Variants in PPHLN1 observed in about 807,000 individuals in gnomAD.
The protein encoded by PPHLN1 is periphilin 1, also known as periphilin-1.
A neutral mutation model predicts 51.3 loss-of-function variants in PPHLN1; 29 were observed. The ratio of observed to expected loss-of-function variants is 0.57; its 90% CI spans 0.42 to 0.77. The LOEUF is 0.77. Ranked by LOEUF, PPHLN1 falls within the 30% of genes least tolerant of loss-of-function variation. The probability of loss-of-function intolerance (pLI) is 0.00; values close to 1 mark genes in which losing one functional copy is unlikely to be tolerated. For missense variants in PPHLN1, 436 were observed against 438.4 expected (o/e 0.99, Z 0.05); for synonymous variants, 147 against 147.8 (o/e 0.99, Z 0.04).
At chr12:42,361,173 TA>T (rs1475808267) in intron 4 of PPHLN1, 1 of 152,350 alleles carries the variant, frequency 6.6e-6, no homozygotes, top group Non-Finnish European at 1.5e-5. Context: ...ATTGGTGCCT[TA>T]TTAAGAAGAG....
intron 5 of PPHLN1, among the ~76,000 whole-genome samples, chr12:42,382,743 C>CT (rs2076860589): frequency 6.6e-6 from 1 of 152,010 alleles, no homozygotes; most frequent in Admixed American, 6.6e-5. Flanking sequence ...GAAGGGGTAG[C>CT]TATGAAGATG....
chr12:42,335,614 C>G (rs1005551914), intron 1 of PPHLN1, among the ~76,000 whole-genome samples: 1 of 151,154 alleles, frequency 6.6e-6, no homozygotes, highest in Non-Finnish European at 1.5e-5. Context: ...CCAATTTCCT[C>G]CCATAATTGA....
chr12:42,399,502 TGAGG>T, intron 9 of PPHLN1: 2 of 826,434 alleles, frequency 2.4e-6, no homozygotes, highest in Non-Finnish European at 2.9e-6. Flanking sequence ...TTTCATTTTA[TGAGG>T]ATTAAATGAA....
chr12:42,381,344 CCT>C (rs1034402977), intron 5 of PPHLN1, among the ~76,000 whole-genome samples: 1 of 152,046 alleles, frequency 6.6e-6, no homozygotes, highest in Non-Finnish European at 1.5e-5. Context: ...TTATTATATC[CCT>C]GTTTTAGGAC....
At chr12:42,357,811 G>C (rs1592361459) in intron 4 of PPHLN1, among the ~76,000 whole-genome samples, 1 of 152,034 alleles carries the variant, frequency 6.6e-6, no homozygotes, top group East Asian at 1.9e-4. Context: ...GTGAAGTCTG[G>C]GTTTTTAGTG....
At chr12:42,333,121 G>A (rs1309426391) in intron 1 of PPHLN1, among the ~76,000 whole-genome samples, 1 of 152,098 alleles carries the variant, frequency 6.6e-6, no homozygotes, top group African/African-American at 2.4e-5. Flanking sequence ...TCTTTTTACT[G>A]TGCTTTTCTT....
chr12:42,376,026 T>G (rs1342226716), intron 5 of PPHLN1, among the ~76,000 whole-genome samples: 2 of 152,228 alleles, frequency 1.3e-5, no homozygotes, highest in African/African-American at 2.4e-5. Context: ...ATAATTGATA[T>G]GTCATAAATG....
chr12:42,381,974 C>T (rs971859491), intron 5 of PPHLN1, among the ~76,000 whole-genome samples: 1 of 152,170 alleles, frequency 6.6e-6, no homozygotes, highest in Non-Finnish European at 1.5e-5. Context: ...TAGCCCCTAA[C>T]TTTATCATCT....
chr12:42,434,491 G>C (rs949464883), intron 9 of PPHLN1, among the ~76,000 whole-genome samples: 1 of 152,206 alleles, frequency 6.6e-6, no homozygotes, highest in African/African-American at 2.4e-5. Context: ...TGCCTGGTCA[G>C]AAGTTTTGGA....
chr12:42,365,432 T>G (rs1014457226), intron 4 of PPHLN1, among the ~76,000 whole-genome samples: 3 of 152,202 alleles, frequency 2.0e-5, no homozygotes, highest in Non-Finnish European at 2.9e-5. Context: ...CTTGTATCCC[T>G]TTCTCCCACT....
chr12:42,329,397 G>T (rs952927272), intron 1 of PPHLN1, among the ~76,000 whole-genome samples: 2 of 152,052 alleles, frequency 1.3e-5, no homozygotes, highest in African/African-American at 4.8e-5. Flanking sequence ...GAGCCACCGC[G>T]CCCGGCCTGG....
Position 42,395,888 on chromosome 12 carries a change from ATTTG to A in PPHLN1, c.768+2204_768+2207del, listed in dbSNP as rs1251770912. Among the ~76,000 whole-genome samples, 5 of 152,164 alleles carry A rather than the reference ATTTG, an allele frequency of 3.3e-5. No individual in the cohort carries two copies. In the South Asian group the frequency reaches 6.2e-4, roughly 19 times the overall value. ...GCTGCCCTCATTATAGTTCTAAGCA[ATTTG>A]TTTGGGAAAACGTGTAGTTCATAGA... On this transcript the variant is annotated intron_variant, in intron 8 of 9. Transcript: ENST00000358314.
At chr12:42,403,354 T>G (rs1445877299) in intron 9 of PPHLN1, among the ~76,000 whole-genome samples, 3 of 152,206 alleles carry the variant, frequency 2.0e-5, no homozygotes, top group African/African-American at 7.2e-5. Context: ...AAAGTCTGGA[T>G]TCCCAAAACA....
At position 42,442,052 on chromosome 12, in the gene PPHLN1, T is replaced by A; in HGVS notation, c.*543T>A. On this transcript the variant is annotated 3_prime_UTR_variant, in exon 10 of 10. Coordinates refer to ENST00000358314, the MANE Select transcript of PPHLN1 (RefSeq NM_201439.2). ...TCAGAAAAAAATCCGTTTTTCCAAG[T>A]AATGAACTCAGTGTCTTCTATTACA... 1 of 798,760 alleles carries A rather than the reference T, an allele frequency of 1.3e-6. No individual in the cohort carries two copies. The highest frequency in any genetic ancestry group is 1.5e-6 in the Non-Finnish European group (1 of 659,844). The allele number at this position is 798,760 out of a possible 1,614,324, so 49.5% of individuals were successfully genotyped here.
intron 2 of PPHLN1, among the ~76,000 whole-genome samples, chr12:42,345,185 G>C (rs918813603): frequency 6.6e-6 from 1 of 152,166 alleles, no homozygotes; most frequent in East Asian, 1.9e-4. Context: ...TGGAAAACTA[G>C]GTATTTTATT....
chr12:42,422,634 T>G (rs907371927), intron 9 of PPHLN1, among the ~76,000 whole-genome samples: 1 of 152,204 alleles, frequency 6.6e-6, no homozygotes, highest in African/African-American at 2.4e-5. Flanking sequence ...TGTAAACTAA[T>G]AGTTCAAATT....
downstream of PPHLN1, chr12:42,446,037 T>C: frequency 6.5e-7 from 1 of 1,549,834 alleles, no homozygotes; most frequent in East Asian, 2.4e-5. Flanking sequence ...CCCAACCAAG[T>C]ACCAGAAATG....
At chr12:42,359,829 C>G (rs2074424246) in intron 4 of PPHLN1, among the ~76,000 whole-genome samples, 1 of 151,924 alleles carries the variant, frequency 6.6e-6, no homozygotes, top group South Asian at 2.1e-4. Context: ...AAAAATTGAC[C>G]AGGTGTGATG....
chr12:42,419,822 G>A (rs1048694261), intron 9 of PPHLN1, among the ~76,000 whole-genome samples: 1 of 152,148 alleles, frequency 6.6e-6, no homozygotes, highest in Non-Finnish European at 1.5e-5. Flanking sequence ...CAAAGTAGTT[G>A]AATTTGAAAC....
Sources: gnomAD v4.1 joint callset for allele counts (sites outside exome capture counted in the v4.1 genomes callset) on GRCh38, gnomAD v4.1.1 for gene constraint, MANE v1.5 for transcripts, NCBI Gene and HGNC (gene_info 2026-07-23, HGNC 2026-07-21) for gene names.